The following KCNH7 variants were observed in gnomAD, a reference collection of about 807,000 sequenced individuals.
KCNH7 encodes voltage-gated inwardly rectifying potassium channel KCNH7.
KCNH7 carries 49 observed loss-of-function variants against 120.8 expected under a neutral mutation model. The ratio of observed to expected loss-of-function variants is 0.41; its 90% CI spans 0.32 to 0.51. The LOEUF is 0.51. KCNH7 is among the 20% of genes least tolerant of loss of function. The pLI is 0.38. For missense variants in KCNH7, 1,097 were observed against 1,446.6 expected, an observed-to-expected ratio of 0.76 and a Z score of 3.92; for synonymous variants, 547 against 516.1, an observed-to-expected ratio of 1.06 and a Z score of -0.81.
chr2:162,576,118 T>C (rs115112466), intron 2 of KCNH7, among the ~76,000 whole-genome samples: 1 of 152,204 alleles, frequency 6.6e-6, no homozygotes, highest in Non-Finnish European at 1.5e-5. Flanking sequence ...AGCAAGATCA[T>C]GGCTGCATAC....
At chr2:162,519,196 T>C (rs776539228) in intron 3 of KCNH7, among the ~76,000 whole-genome samples, 1 of 151,752 alleles carries the variant, frequency 6.6e-6, no homozygotes, top group African/African-American at 2.4e-5. Context: ...AAAAAACATA[T>C]ACATTTATTT....
intron 3 of KCNH7, among the ~76,000 whole-genome samples, chr2:162,521,700 A>T (rs1288583428): frequency 6.6e-6 from 1 of 151,918 alleles, no homozygotes; most frequent in Non-Finnish European, 1.5e-5. Context: ...TGATCAAATC[A>T]GTGTAATTGG....
chr2:162,442,234 G>C (rs1688445152), intron 7 of KCNH7, among the ~76,000 whole-genome samples: 1 of 151,326 alleles, frequency 6.6e-6, no homozygotes, highest in Non-Finnish European at 1.5e-5. Flanking sequence ...CACCGTGTTA[G>C]ACAGGATGGT....
At chr2:162,652,930 T>TCA (rs1559065535) in intron 2 of KCNH7, among the ~76,000 whole-genome samples, 2 of 151,998 alleles carry the variant, frequency 1.3e-5, no homozygotes, top group African/African-American at 4.8e-5. Context: ...AAAACCTTCT[T>TCA]TCATTTTTTG....
At chr2:162,581,627 C>A (rs796872641) in intron 2 of KCNH7, among the ~76,000 whole-genome samples, 1 of 151,864 alleles carries the variant, frequency 6.6e-6, no homozygotes, top group Non-Finnish European at 1.5e-5. Context: ...TATTTAAATG[C>A]AGATTTTCTT....
At chr2:162,762,392 T>TG (rs35064409) in intron 2 of KCNH7, among the ~76,000 whole-genome samples, 122,770 of 151,734 alleles carry the variant, frequency 0.81, 51,200 homozygotes, top group Non-Finnish European at 0.92. Context: ...AGACTAACAC[T>TG]GGGACAGGGA....
At chr2:162,752,947 A>G (rs1049508063) in intron 2 of KCNH7, among the ~76,000 whole-genome samples, 8 of 105,258 alleles carry the variant, frequency 7.6e-5, no homozygotes, top group African/African-American at 4.7e-4. Context: ...AGAAAAGAAA[A>G]GAAAAGAAAA....
intron 6 of KCNH7, among the ~76,000 whole-genome samples, chr2:162,461,631 A>G (rs989936705): frequency 6.6e-6 from 1 of 152,232 alleles, no homozygotes; most frequent in Non-Finnish European, 1.5e-5. Context: ...CCAGTTGGCC[A>G]TGTGTGTTTG....
chr2:162,669,195 G>GTTT (rs1304350486), intron 2 of KCNH7, among the ~76,000 whole-genome samples: 1 of 152,108 alleles, frequency 6.6e-6, no homozygotes, highest in African/African-American at 2.4e-5. Context: ...ATATTTTAGA[G>GTTT]TTTTCTAAAA....
intron 2 of KCNH7, among the ~76,000 whole-genome samples, chr2:162,732,156 G>A (rs13413673): frequency 0.12 from 18,310 of 151,982 alleles, 1,294 homozygotes; most frequent in East Asian, 0.34. Context: ...ATTCTAGGAC[G>A]ATTTAGAGGG....
chr2:162,635,941 C>G (rs1330841371), intron 2 of KCNH7, among the ~76,000 whole-genome samples: 3 of 152,044 alleles, frequency 2.0e-5, no homozygotes, highest in Non-Finnish European at 4.4e-5. Context: ...AGTGGGCTCT[C>G]TCTTACGAAT....
chr2:162,554,521 G>A (rs912228641), intron 2 of KCNH7, among the ~76,000 whole-genome samples: 5 of 152,154 alleles, frequency 3.3e-5, no homozygotes, highest in Non-Finnish European at 7.3e-5. Flanking sequence ...GAGGCCCGAA[G>A]AGTGAATTCA....
intron 8 of KCNH7, among the ~76,000 whole-genome samples, chr2:162,429,877 ATT>A (rs780846857): frequency 6.9e-6 from 1 of 145,172 alleles, no homozygotes; most frequent in Non-Finnish European, 1.5e-5. Context: ...AAAAAAACAG[ATT>A]TTTTTTTTTG....
intron 2 of KCNH7, among the ~76,000 whole-genome samples, chr2:162,755,885 T>C (rs1202329165): frequency 6.6e-6 from 1 of 152,188 alleles, no homozygotes; most frequent in Non-Finnish European, 1.5e-5. Flanking sequence ...AGAAGTGGTG[T>C]ATACTCAACC....
intron 2 of KCNH7, among the ~76,000 whole-genome samples, chr2:162,558,265 C>A (rs1051970776): frequency 6.6e-6 from 1 of 151,870 alleles, no homozygotes. Flanking sequence ...AGCTCTGCCT[C>A]CTGGGTTCAC....
intron 2 of KCNH7, among the ~76,000 whole-genome samples, chr2:162,752,956 A>ACCCTGACT (rs1201557716): frequency 8.7e-6 from 1 of 114,436 alleles, no homozygotes; most frequent in African/African-American, 5.2e-5. Flanking sequence ...AAGAAAAGAA[A>ACCCTGACT]AGAAAAGAAA....
intron 9 of KCNH7, among the ~76,000 whole-genome samples, chr2:162,410,376 T>C (rs920733912): frequency 6.6e-6 from 1 of 152,086 alleles, no homozygotes; most frequent in Non-Finnish European, 1.5e-5. Context: ...GCTAGCCATA[T>C]GCAGAAGATT....
At chr2:162,789,871 C>T (rs886380177) in intron 2 of KCNH7, among the ~76,000 whole-genome samples, 7 of 151,692 alleles carry the variant, frequency 4.6e-5, no homozygotes, top group African/African-American at 1.7e-4. Context: ...AATTTTATAG[C>T]AATGAACACC....
chr2:162,442,003 T>TTTTTTTG (rs1688433566), intron 7 of KCNH7, among the ~76,000 whole-genome samples: 2 of 82,550 alleles, frequency 2.4e-5, no homozygotes, highest in Admixed American at 1.2e-4. Context: ...GGTCTTCTTT[T>TTTTTTTG]TTTTTTTTTT....
Sources: allele counts gnomAD v4.1 joint callset (sites outside exome capture counted in the v4.1 genomes callset), GRCh38; gene constraint gnomAD v4.1.1; transcripts MANE v1.5; gene names NCBI Gene and HGNC (gene_info 2026-07-23, HGNC 2026-07-21).